Variants in PSMA1 observed in about 807,000 individuals in gnomAD.
PSMA1 encodes proteasome 20S subunit alpha 1.
PSMA1 carries 3 observed loss-of-function variants against 38.4 expected under a neutral mutation model. The observed-to-expected ratio is 0.08, with a 90% CI of 0.04 to 0.20. The LOEUF (loss-of-function observed/expected upper bound fraction) is 0.20, where lower values mean the gene tolerates loss of function less well. Ranked by LOEUF, PSMA1 falls within the 10% of genes least tolerant of loss-of-function variation. The probability of loss-of-function intolerance (pLI) is 1.00; values close to 1 mark genes in which losing one functional copy is unlikely to be tolerated. For synonymous variants in PSMA1, 101 were observed against 107.1 expected (o/e 0.94, Z 0.35); for missense variants, 227 against 325.3 (o/e 0.70, Z 2.32).
intron 2 of PSMA1, among the ~76,000 whole-genome samples, chr11:14,578,414 A>G (rs1391589420): frequency 6.6e-6 from 1 of 152,146 alleles, no homozygotes; most frequent in Non-Finnish European, 1.5e-5. Context: ...TGGAGCAAGA[A>G]AGGATGGACA....
At chr11:14,574,213 C>T (rs1157584434) in intron 2 of PSMA1, among the ~76,000 whole-genome samples, 2 of 152,150 alleles carry the variant, frequency 1.3e-5, no homozygotes, top group East Asian at 3.9e-4. Context: ...GGGAAAAAGA[C>T]CCTGAAGATA....
chr11:14,518,667 T>C (rs1056075391), intron 2 of PSMA1, among the ~76,000 whole-genome samples: 17 of 152,300 alleles, frequency 1.1e-4, no homozygotes, highest in Non-Finnish European at 2.2e-4. Flanking sequence ...TTTGCTACTT[T>C]GTATCTCCTC....
intron 9 of PSMA1, among the ~76,000 whole-genome samples, chr11:14,507,401 C>T (rs1565030660): frequency 1.3e-5 from 2 of 152,060 alleles, no homozygotes; most frequent in Admixed American, 6.6e-5. Flanking sequence ...CTGTTGACCT[C>T]GTGATTCACC....
At chr11:14,554,411 T>C (rs1851920447) in intron 2 of PSMA1, among the ~76,000 whole-genome samples, 1 of 152,238 alleles carries the variant, frequency 6.6e-6, no homozygotes, top group Admixed American at 6.5e-5. Context: ...GAAGGTTTTC[T>C]CCTTTGTTTT....
chr11:14,505,929 T>C (rs1851237156), intron 9 of PSMA1, among the ~76,000 whole-genome samples: 1 of 152,166 alleles, frequency 6.6e-6, no homozygotes, highest in Non-Finnish European at 1.5e-5. Context: ...GAGAATCGCT[T>C]GAGCCCAGGA....
intron 2 of PSMA1, among the ~76,000 whole-genome samples, chr11:14,563,543 A>T (rs1852034506): frequency 6.6e-6 from 1 of 152,220 alleles, no homozygotes; most frequent in South Asian, 2.1e-4. Flanking sequence ...GGTATTAAAG[A>T]CTGAAGTGAC....
chr11:14,559,918 G>A (rs555797909), intron 2 of PSMA1, among the ~76,000 whole-genome samples: 60 of 152,116 alleles, frequency 3.9e-4, no homozygotes, highest in African/African-American at 1.4e-3. Context: ...TTGGCTAGAA[G>A]AAGTTAAACT....
chr11:14,588,341 A>G (rs764077182), intron 2 of PSMA1, among the ~76,000 whole-genome samples: 2 of 152,240 alleles, frequency 1.3e-5, no homozygotes, highest in African/African-American at 2.4e-5. Flanking sequence ...TTACAGCACA[A>G]TTTCAACACC....
At chr11:14,566,229 C>G (rs1852069840) in intron 2 of PSMA1, among the ~76,000 whole-genome samples, 1 of 152,140 alleles carries the variant, frequency 6.6e-6, no homozygotes, top group Non-Finnish European at 1.5e-5. Flanking sequence ...ATCACTCTAG[C>G]TGCTATATTG....
chr11:14,621,093 G>C (rs1852838281), intron 1 of PSMA1, among the ~76,000 whole-genome samples: 1 of 152,122 alleles, frequency 6.6e-6, no homozygotes, highest in Admixed American at 6.5e-5. Flanking sequence ...AAAACTGTGA[G>C]TGTACTTTTA....
In PSMA1 at chr11:14,592,394, AT is replaced by A. The variant is rs757886405; in HGVS notation, c.21+18571del. On this transcript the variant is annotated intron_variant, in intron 2 of 10. Transcript: ENST00000418988. ...TCTCTCTCTATATATATATATATATATTTTTTTTTTAGATGGAGTCTCGCTT... is the reference window on the plus strand; with the variant it reads ...TCTCTCTCTATATATATATATATATATTTTTTTTTAGATGGAGTCTCGCTT... Among the ~76,000 whole-genome samples the A allele has an allele frequency of 6.0e-3, 832 of 138,076 alleles. 11 individuals carry two copies. Among genetic ancestry groups the A allele is most frequent in the Middle Eastern group, 0.015 (4 of 272 alleles). 90.6% of individuals were successfully genotyped at this position (138,076 alleles called of 152,430 possible). A position where few individuals can be genotyped will look rare whatever the true frequency, so the allele number is the denominator to read the frequency against.
intron 2 of PSMA1, among the ~76,000 whole-genome samples, chr11:14,591,399 T>C (rs1041520872): frequency 1.3e-5 from 2 of 152,186 alleles, no homozygotes; most frequent in African/African-American, 4.8e-5. Flanking sequence ...TGCCGCCCCC[T>C]GCTCCAGGGC....
chr11:14,585,003 G>A (rs1852328506), intron 2 of PSMA1, among the ~76,000 whole-genome samples: 1 of 152,200 alleles, frequency 6.6e-6, no homozygotes, highest in African/African-American at 2.4e-5. Context: ...TAAAATAACT[G>A]GAGATAGGGG....
chr11:14,610,893 T>C (rs755688227), intron 2 of PSMA1: 57 of 1,506,356 alleles, frequency 3.8e-5, no homozygotes, highest in Non-Finnish European at 5.2e-5. Context: ...AGGTTTTGTT[T>C]TGTGGGGGCT....
chr11:14,638,555 A>C (rs1259964870), intron 1 of PSMA1, among the ~76,000 whole-genome samples: 832 of 12,258 alleles, frequency 0.068, 11 homozygotes, highest in African/African-American at 0.11. Flanking sequence ...CTATATATAT[A>C]TATATATATA....
At chr11:14,505,992 G>GA (rs1257844997) in intron 9 of PSMA1, among the ~76,000 whole-genome samples, 1 of 152,164 alleles carries the variant, frequency 6.6e-6, no homozygotes, top group African/African-American at 2.4e-5. Context: ...GCCTGGACAA[G>GA]AGGGCAAGAC....
intron 2 of PSMA1, among the ~76,000 whole-genome samples, chr11:14,536,634 C>T (rs951418556): frequency 1.2e-4 from 18 of 151,102 alleles, no homozygotes; most frequent in African/African-American, 3.4e-4. Flanking sequence ...ATTTTTGAGA[C>T]GGAGTCTCGC....
chr11:14,581,765 A>G lies in PSMA1; in HGVS notation c.21+29201T>C, dbSNP rs556067684. 2.8e-4 allele frequency among the ~76,000 whole-genome samples: 42 copies of G among 152,326 alleles called. No individual in the cohort carries two copies. The South Asian group carries it at 6.2e-3, about 23-fold the overall frequency. ...AACTTCAGTATTGTTTCAGGGTTGC[A>G]AAGTCACATTATTAAGACTTGGCTT... On this transcript the variant is annotated intron_variant, in intron 2 of 10. Transcript: ENST00000418988.
At chr11:14,597,044 C>T (rs12799090) in intron 2 of PSMA1, among the ~76,000 whole-genome samples, 3 of 152,168 alleles carry the variant, frequency 2.0e-5, no homozygotes, top group South Asian at 2.1e-4. Context: ...TGATGGAGTA[C>T]GTTTATTGAT....
Sources: allele counts gnomAD v4.1 joint callset (sites outside exome capture counted in the v4.1 genomes callset), GRCh38; gene constraint gnomAD v4.1.1; transcripts MANE v1.5; gene names NCBI Gene and HGNC (gene_info 2026-07-23, HGNC 2026-07-21).